The following CELF2 variants were observed in gnomAD, a reference collection of about 807,000 sequenced individuals.
CELF2 encodes the protein CUG triplet repeat RNA-binding protein 2.
Under a neutral mutation model 62.6 loss-of-function variants are expected in CELF2, and 8 were observed. The observed-to-expected ratio is 0.13, with a 90% CI of 0.07 to 0.23. The LOEUF is 0.23. CELF2 is among the 10% of genes least tolerant of loss of function. The probability of loss-of-function intolerance (pLI) is 1.00; values close to 1 mark genes in which losing one functional copy is unlikely to be tolerated. For missense variants in CELF2, 333 were observed against 671.0 expected (o/e 0.50, Z 5.56); for synonymous variants, 258 against 250.0 (o/e 1.03, Z -0.30).
Position 11,285,362 on chromosome 10 carries a change from G to T in CELF2, c.842-3056G>T, listed in dbSNP as rs534430923. Among the ~76,000 whole-genome samples, 155 of 152,214 alleles carry T rather than the reference G, an allele frequency of 1.0e-3. 1 individual carries two copies. Among genetic ancestry groups the T allele is most frequent in the African/African-American group, 3.5e-3 (147 of 41,494 alleles). Reference sequence around the variant, plus strand: ...GCAGTGTTAGCTATGCCCCCGTGTGGTGCCTCAGAGACTCAGCCACTCCCC... The same window carrying T: ...GCAGTGTTAGCTATGCCCCCGTGTGTTGCCTCAGAGACTCAGCCACTCCCC... On this transcript the variant is annotated intron_variant, in intron 8 of 12. Coordinates refer to ENST00000633077, the MANE Select transcript of CELF2 (RefSeq NM_001326342.2). The surrounding 1 kb of genome is among the most constrained non-coding windows in gnomAD (Gnocchi z 4.3).
chr10:10,672,621 T>C, the CELF2 span, among the ~76,000 whole-genome samples: 1 of 152,116 alleles, frequency 6.6e-6, no homozygotes, highest in Non-Finnish European at 1.5e-5. Context: ...TGTAGGCCTA[T>C]TTCTGGAATC....
intron 11 of CELF2, among the ~76,000 whole-genome samples, chr10:11,323,954 C>T (rs929859834): frequency 1.3e-5 from 2 of 148,886 alleles, no homozygotes; most frequent in Non-Finnish European, 3.0e-5. Flanking sequence ...ATTAAAAACT[C>T]GGGGGATATA....
chr10:10,781,324 A>G, the CELF2 span, among the ~76,000 whole-genome samples: 1 of 152,238 alleles, frequency 6.6e-6, no homozygotes, highest in East Asian at 1.9e-4. Flanking sequence ...CATGCTATAC[A>G]GGTTGGTAGC....
chr10:10,806,125 A>G (rs543760138), intron 1 of CELF2, among the ~76,000 whole-genome samples: 1 of 152,112 alleles, frequency 6.6e-6, no homozygotes, highest in East Asian at 1.9e-4. Flanking sequence ...GATTTTTGTC[A>G]TCATGGTGTA....
At chr10:10,577,364 TTTATTA>T in the CELF2 span, among the ~76,000 whole-genome samples, 1,501 of 141,418 alleles carry the variant, frequency 0.011, 8 homozygotes, top group Admixed American at 0.019. Context: ...AACAAATCTT[TTTATTA>T]TTATTATTAT....
chr10:11,235,620 T>G (rs1280639454), intron 3 of CELF2, among the ~76,000 whole-genome samples: 1 of 152,184 alleles, frequency 6.6e-6, no homozygotes, highest in Non-Finnish European at 1.5e-5. Flanking sequence ...GAGCTCTTTG[T>G]TTAGCAAAAT....
the CELF2 span, among the ~76,000 whole-genome samples, chr10:10,535,831 G>A: frequency 1.3e-5 from 2 of 152,130 alleles, no homozygotes; most frequent in Admixed American, 6.5e-5. Context: ...CAGACCATTA[G>A]AGGCCCTCCT....
chr10:10,670,995 C>T, the CELF2 span, among the ~76,000 whole-genome samples: 33,596 of 151,646 alleles, frequency 0.22, 3,924 homozygotes, highest in South Asian at 0.43. Flanking sequence ...GGCAAAACCC[C>T]ATCTCTACAA....
At chr10:10,674,104 A>G in the CELF2 span, among the ~76,000 whole-genome samples, 1 of 152,154 alleles carries the variant, frequency 6.6e-6, no homozygotes, top group Non-Finnish European at 1.5e-5. Context: ...GGATCTGTGA[A>G]TTGCTGATAG....
At chr10:10,777,991 C>T in the CELF2 span, among the ~76,000 whole-genome samples, 1 of 152,152 alleles carries the variant, frequency 6.6e-6, no homozygotes, top group Non-Finnish European at 1.5e-5. Flanking sequence ...TTACTTCCTG[C>T]AAGAATTCCT....
At chr10:11,257,894 C>A in intron 5 of CELF2, 22 bp downstream of exon 5, 2 of 1,613,348 alleles carry the variant, frequency 1.2e-6, no homozygotes, top group South Asian at 2.2e-5. Flanking sequence ...GTCTGGAAAG[C>A]CTCTCCCCTT....
At chr10:11,282,153 G>A (rs1021314287) in intron 8 of CELF2, among the ~76,000 whole-genome samples, 6 of 152,018 alleles carry the variant, frequency 3.9e-5, no homozygotes, top group Non-Finnish European at 8.8e-5. Flanking sequence ...CCCTCCATCC[G>A]TCCCTCCCTA....
At chr10:10,619,078 C>A in the CELF2 span, among the ~76,000 whole-genome samples, 1 of 152,232 alleles carries the variant, frequency 6.6e-6, no homozygotes, top group Non-Finnish European at 1.5e-5. Context: ...GAAGGGGGAA[C>A]TTCCATGTTG....
At chr10:10,528,483 C>A in the CELF2 span, among the ~76,000 whole-genome samples, 31 of 152,160 alleles carry the variant, frequency 2.0e-4, 1 homozygote, top group Admixed American at 1.8e-3. Context: ...GCTTCTTGAA[C>A]CTAAGACATT....
At chr10:10,704,367 C>G in the CELF2 span, among the ~76,000 whole-genome samples, 40 of 152,126 alleles carry the variant, frequency 2.6e-4, no homozygotes, top group Non-Finnish European at 2.8e-4. Flanking sequence ...CAATGGGGCT[C>G]TCTGTCATTA....
At chr10:10,859,426 T>C (rs2059931175) in intron 1 of CELF2, among the ~76,000 whole-genome samples, 1 of 152,182 alleles carries the variant, frequency 6.6e-6, no homozygotes. Flanking sequence ...TTTTTTCTTG[T>C]ATTGCTTATT....
chr10:10,939,781 C>T (rs2135419369), intron 2 of CELF2, among the ~76,000 whole-genome samples: 1 of 151,784 alleles, frequency 6.6e-6, no homozygotes, highest in South Asian at 2.1e-4. Flanking sequence ...GGTGAAACCC[C>T]ATCTCTACTA....
chr10:11,136,540 G>T (rs1390904223), intron 1 of CELF2, among the ~76,000 whole-genome samples: 4 of 152,200 alleles, frequency 2.6e-5, no homozygotes, highest in African/African-American at 9.7e-5. Flanking sequence ...GGAGGCGGAG[G>T]TTGCAGTGAG....
Position 11,255,734 on chromosome 10 carries a change from G to A in CELF2, c.404-2004G>A, listed in dbSNP as rs2078534454. 6.6e-6 allele frequency among the ~76,000 whole-genome samples: 1 copy of A among 152,010 alleles called. No homozygotes were observed. Among genetic ancestry groups the A allele is most frequent in the African/African-American group, 2.4e-5 (1 of 41,370 alleles). On this transcript the variant is annotated intron_variant, in intron 4 of 12. Transcript: ENST00000633077. This position sits in a 1 kb window ranked among gnomAD's most constrained non-coding sequence, Gnocchi z 5.5. ...CCCAGTCACCCCGAGTATGTCACAGGCCACCTTCTCTCCATTTCTAGGAGA... is the reference window on the plus strand; with the variant it reads ...CCCAGTCACCCCGAGTATGTCACAGACCACCTTCTCTCCATTTCTAGGAGA...
Sources: gnomAD v4.1 joint callset for allele counts (sites outside exome capture counted in the v4.1 genomes callset) on GRCh38, gnomAD v4.1.1 for gene constraint, Gnocchi (gnomAD v3.1) non-coding constraint, MANE v1.5 for transcripts, NCBI Gene and HGNC (gene_info 2026-07-23, HGNC 2026-07-21) for gene names.